The following LIN52 variants were observed in gnomAD, a reference collection of about 807,000 sequenced individuals.
The protein encoded by LIN52 is lin-52 DREAM MuvB core complex component, also known as protein lin-52 homolog.
In LIN52, 4 loss-of-function variants were observed where a neutral mutation model predicts 18.5. That is an observed-to-expected ratio of 0.22 (90% confidence interval 0.11 to 0.49). The LOEUF is 0.49. Ranked by LOEUF, LIN52 falls within the 20% of genes least tolerant of loss-of-function variation. The pLI is 0.97. For synonymous variants in LIN52, 34 were observed against 45.5 expected (o/e 0.75, Z 1.02); for missense variants, 102 against 139.5 (o/e 0.73, Z 1.35).
intron 5 of LIN52, among the ~76,000 whole-genome samples, chr14:74,168,263 T>C (rs1173996022): frequency 6.6e-6 from 1 of 152,256 alleles, no homozygotes; most frequent in Non-Finnish European, 1.5e-5. Flanking sequence ...GTTTATAATA[T>C]TTCTGTTTTT....
intron 5 of LIN52, among the ~76,000 whole-genome samples, chr14:74,197,536 G>A (rs2078921725): frequency 2.0e-5 from 3 of 152,140 alleles, no homozygotes; most frequent in East Asian, 3.9e-4. Flanking sequence ...GTAATTGCAT[G>A]CAAGTCTTAT....
At chr14:74,174,651 T>C (rs2061284682) in intron 5 of LIN52, 1 of 151,918 alleles carries the variant, frequency 6.6e-6, no homozygotes, top group Admixed American at 6.6e-5. Context: ...CCAGCCCACG[T>C]TGGAAACTGA....
chr14:74,099,147 T>A (rs1223545265), intron 4 of LIN52, among the ~76,000 whole-genome samples: 2 of 152,200 alleles, frequency 1.3e-5, no homozygotes, highest in African/African-American at 4.8e-5. Context: ...ATAAGATTCA[T>A]GATGATTGTG....
intron 2 of LIN52, 144 bp from the exon 3 acceptor site, chr14:74,095,804 G>T: frequency 2.0e-6 from 1 of 506,762 alleles, no homozygotes; most frequent in Non-Finnish European, 3.4e-6. Context: ...TTTGAGGACT[G>T]AAACAGTGTT....
At chr14:74,119,386 G>C (rs1371808309) in intron 5 of LIN52, among the ~76,000 whole-genome samples, 6 of 151,846 alleles carry the variant, frequency 4.0e-5, no homozygotes, top group South Asian at 2.1e-4. Context: ...GGATGGTCTC[G>C]ATCTCCTGAC....
chr14:74,180,401 GACT>G (rs1366975609), intron 5 of LIN52, among the ~76,000 whole-genome samples: 1 of 151,816 alleles, frequency 6.6e-6, no homozygotes, highest in Non-Finnish European at 1.5e-5. Context: ...AAGTAGCTGG[GACT>G]ACAGGCGCCT....
intron 2 of LIN52, among the ~76,000 whole-genome samples, chr14:74,093,076 C>G (rs1444667033): frequency 6.6e-6 from 1 of 151,778 alleles, no homozygotes; most frequent in African/African-American, 2.4e-5. Context: ...CTCAGCCTCC[C>G]GAGTAGCTGA....
At chr14:74,141,455 C>T (rs1013476722) in intron 5 of LIN52, among the ~76,000 whole-genome samples, 1 of 152,214 alleles carries the variant, frequency 6.6e-6, no homozygotes, top group African/African-American at 2.4e-5. Context: ...ATTCAAGACT[C>T]TTTGTAGATA....
chr14:74,095,680 C>T (rs538202100), intron 2 of LIN52, among the ~76,000 whole-genome samples: 20 of 152,318 alleles, frequency 1.3e-4, no homozygotes, highest in Admixed American at 9.1e-4. Flanking sequence ...AACCAGCTAA[C>T]TCCTGGTCCT....
chr14:74,100,530 C>T (rs1049108314), intron 4 of LIN52, among the ~76,000 whole-genome samples: 2 of 151,900 alleles, frequency 1.3e-5, no homozygotes, highest in Non-Finnish European at 2.9e-5. Flanking sequence ...GGCTGGAGTG[C>T]AGTGGTACAA....
chr14:74,089,827 C>T (rs1016738850), intron 1 of LIN52, among the ~76,000 whole-genome samples: 3 of 151,984 alleles, frequency 2.0e-5, no homozygotes, highest in Non-Finnish European at 4.4e-5. Context: ...AGGGGAGTTC[C>T]CTAACCGCAG....
At chr14:74,171,457 G>T (rs537258514) in intron 5 of LIN52, among the ~76,000 whole-genome samples, 1 of 151,298 alleles carries the variant, frequency 6.6e-6, no homozygotes, top group Admixed American at 6.6e-5. Flanking sequence ...TTTCCCAGTC[G>T]TAGTAAGAAT....
chr14:74,169,385 G>T (rs1193523857), intron 5 of LIN52, among the ~76,000 whole-genome samples: 1 of 152,042 alleles, frequency 6.6e-6, no homozygotes, highest in East Asian at 1.9e-4. Flanking sequence ...TTCCTTTTCT[G>T]TGTATTCTGG....
At chr14:74,195,607 C>T (rs2078908088) in intron 5 of LIN52, among the ~76,000 whole-genome samples, 1 of 150,888 alleles carries the variant, frequency 6.6e-6, no homozygotes, top group Non-Finnish European at 1.5e-5. Context: ...AGAATAGTAG[C>T]AGAAGGCTGT....
At chr14:74,119,320 G>T (rs552442433) in intron 5 of LIN52, among the ~76,000 whole-genome samples, 1 of 151,126 alleles carries the variant, frequency 6.6e-6, no homozygotes, top group Non-Finnish European at 1.5e-5. Flanking sequence ...CCCCCACCAC[G>T]CCCAGCTAAT....
chr14:74,120,663 G>A (rs1209920470), intron 5 of LIN52, among the ~76,000 whole-genome samples: 1 of 151,864 alleles, frequency 6.6e-6, no homozygotes, highest in East Asian at 1.9e-4. Flanking sequence ...GTTGAGGCAG[G>A]AGAATCGCTT....
intron 5 of LIN52, among the ~76,000 whole-genome samples, chr14:74,164,224 G>C (rs1030154410): frequency 1.3e-4 from 20 of 151,594 alleles, no homozygotes; most frequent in Non-Finnish European, 1.2e-4. Flanking sequence ...CTCGTGATCC[G>C]CCTGCCTCGG....
At chr14:74,105,792 GA>G (rs1251040564) in intron 5 of LIN52, among the ~76,000 whole-genome samples, 8 of 151,716 alleles carry the variant, frequency 5.3e-5, no homozygotes, top group Non-Finnish European at 8.8e-5. Flanking sequence ...ATGATGGAAA[GA>G]AAAAAAATGC....
At chr14:74,197,980 A>C (rs1201347141) in intron 5 of LIN52, among the ~76,000 whole-genome samples, 2 of 152,188 alleles carry the variant, frequency 1.3e-5, no homozygotes, top group Admixed American at 1.3e-4. Context: ...TGTTCTTGGG[A>C]GACCACACAG....
Sources: gnomAD v4.1 joint callset for allele counts (sites outside exome capture counted in the v4.1 genomes callset) on GRCh38, gnomAD v4.1.1 for gene constraint, MANE v1.5 for transcripts, NCBI Gene and HGNC (gene_info 2026-07-23, HGNC 2026-07-21) for gene names.